The following VWCE variants were observed in gnomAD, a reference collection of about 807,000 sequenced individuals.
VWCE encodes von Willebrand factor C and EGF domain-containing protein.
In VWCE, 68 loss-of-function variants were observed where a neutral mutation model predicts 102.9. That is an observed-to-expected ratio of 0.66 (90% CI 0.54 to 0.81). The LOEUF (loss-of-function observed/expected upper bound fraction) is 0.81, where lower values mean the gene tolerates loss of function less well. Among genes scored for constraint, VWCE ranks in the 30% least tolerant of loss-of-function variants. VWCE has a pLI of 0.00. For synonymous variants in VWCE, 497 were observed against 515.4 expected (o/e 0.96, Z 0.48); for missense variants, 1,137 against 1,263.6 (o/e 0.90, Z 1.52).
In VWCE at chr11:61,280,890, C is replaced by T. The variant is rs200553245; in HGVS notation, c.1133G>A (p.Arg378Gln). ...PSSPRGPESP[R>Q]LAAGPSPCWH... ...GCAGGGAGAGGGCCCTGCTGCCAGT[C>T]GGGGGGACTCAGGGCCCCTGGGTGA... The change falls in exon 8 of 20, where the codon CGA becomes CAA. Residue 378 changes from arginine (R) to glutamine (Q), a missense_variant. This residue lies in a region of VWCE where 575 missense variants were observed against 625.9 expected (regional missense o/e 0.92). Coordinates refer to ENST00000335613, the MANE Select transcript of VWCE (RefSeq NM_152718.2). 1.1e-4 allele frequency: 173 copies of T among 1,531,310 alleles called. No individual in the cohort carries two copies. In the African/African-American group the frequency reaches 2.1e-3, roughly 19 times the overall value. The allele number at this position is 1,531,310 out of a possible 1,614,324, so 94.9% of individuals were successfully genotyped here.
In VWCE at chr11:61,278,457, G is replaced by A. The variant is rs752283275; in HGVS notation, c.1344C>T (p.Val448=). 23 of 1,613,966 alleles carry A rather than the reference G, an allele frequency of 1.4e-5. No individual in the cohort carries two copies. The highest frequency in any genetic ancestry group is 1.9e-5 in the Non-Finnish European group (22 of 1,180,022). The change falls in exon 10 of 20, where the codon GTC becomes GTT. Residue 448 remains valine (V), a synonymous_variant. Transcript: ENST00000335613. Reference sequence around the variant, plus strand: ...AAAACACATCCCCTTCAGCTCGGACGACACCACTGTGAAAACAGCCTTTGA... The same window carrying A: ...AAAACACATCCCCTTCAGCTCGGACAACACCACTGTGAAAACAGCCTTTGA... ...PSCTGCFHSG[V]VRAEGDVFSP...
chr11:61,262,362 C>T (rs1381286073), intron 19 of VWCE, among the ~76,000 whole-genome samples: 3 of 152,168 alleles, frequency 2.0e-5, no homozygotes, highest in Non-Finnish European at 4.4e-5. Flanking sequence ...GTCTTACACA[C>T]CAACTAGAAA....
intron 13 of VWCE, among the ~76,000 whole-genome samples, chr11:61,272,705 T>C (rs1367398403): frequency 6.6e-6 from 1 of 150,524 alleles, no homozygotes; most frequent in Non-Finnish European, 1.5e-5. Flanking sequence ...CACATACACA[T>C]ACATGCTCAC....
Position 61,294,882 on chromosome 11 carries a change from A to G in VWCE, c.110+46T>C. The stretch of plus-strand genomic sequence containing the variant: ...CCGCGCCTCTCGACTGCACGCCGGT[A>G]GCGCTCTCCCGGGCGGGGGAGCGGG... On this transcript the variant is annotated intron_variant, in intron 1 of 19. Transcript: ENST00000335613. This position sits in a 1 kb window ranked among gnomAD's most constrained non-coding sequence, Gnocchi z 6.3. The G allele has an allele frequency of 7.9e-7, 1 of 1,273,544 alleles. No homozygotes were observed. The highest frequency in any genetic ancestry group is 1.0e-6 in the Non-Finnish European group (1 of 987,014). 78.9% of individuals were successfully genotyped at this position (1,273,544 alleles called of 1,614,324 possible).
chr11:61,262,170 T>C (rs1204428614), intron 19 of VWCE, among the ~76,000 whole-genome samples: 1 of 152,132 alleles, frequency 6.6e-6, no homozygotes, highest in Admixed American at 6.6e-5. Context: ...GACAGGCTGG[T>C]CTCAAACTCC....
rs762251027 is a variant in VWCE, at chr11:61,294,983, C to A, written c.55G>T (p.Ala19Ser). ...AACVALLLPGAPARGYTGRKP... is the reference protein window; with the variant it reads ...AACVALLLPGSPARGYTGRKP... The stretch of plus-strand genomic sequence containing the variant: ...CTCCCGGTGTAGCCTCGGGCTGGTG[C>A]CCCCGGCAGCAGGAGCGCGACACAG... Residue 19 changes from alanine (A) to serine (S), a missense_variant, in exon 1 of 20, where the codon GCA becomes TCA. By Grantham distance (99) the Ala-to-Ser change is moderately conservative. Transcript: ENST00000335613. This position sits in a 1 kb window ranked among gnomAD's most constrained non-coding sequence, Gnocchi z 6.3. 6 of 1,471,010 alleles carry A rather than the reference C, an allele frequency of 4.1e-6. No homozygotes were observed. Among genetic ancestry groups the A allele is most frequent in the Non-Finnish European group, 5.4e-6 (6 of 1,112,490 alleles). The allele number at this position is 1,471,010 out of a possible 1,614,324, so 91.1% of individuals were successfully genotyped here.
intron 14 of VWCE, among the ~76,000 whole-genome samples, chr11:61,270,578 G>A (rs1038012213): frequency 2.0e-5 from 3 of 152,192 alleles, no homozygotes; most frequent in African/African-American, 7.2e-5. Flanking sequence ...GTGGATAGCT[G>A]TGTTTGCATT....
At chr11:61,271,390 C>A in intron 14 of VWCE, 1 of 314,110 alleles carries the variant, frequency 3.2e-6, no homozygotes, top group Non-Finnish European at 6.3e-6. Context: ...TGTGATCCAC[C>A]CACCTCGGCC....
Position 61,281,094 on chromosome 11 carries a change from G to A in VWCE, c.929C>T (p.Pro310Leu). The A allele has an allele frequency of 6.2e-7, 1 of 1,609,758 alleles. No individual in the cohort carries two copies. ...CAGGCGGGTGGTCCTGACTCCGGCTGGGGGCCCTGGAGCCCCAGAAGGAGG... is the reference window on the plus strand; with the variant it reads ...CAGGCGGGTGGTCCTGACTCCGGCTAGGGGCCCTGGAGCCCCAGAAGGAGG... ...HSPPSGAPGP[P>L]AGVRTTRLPS... Residue 310 changes from proline (P) to leucine (L), a missense_variant, in exon 8 of 20, where the codon CCA becomes CTA. By Grantham distance (98) the Pro-to-Leu change is moderately conservative. This residue lies in a region of VWCE where 575 missense variants were observed against 625.9 expected (regional missense o/e 0.92). Coordinates refer to ENST00000335613, the MANE Select transcript of VWCE (RefSeq NM_152718.2).
chr11:61,288,155 CAA>C (rs397978316), intron 4 of VWCE, among the ~76,000 whole-genome samples: 2 of 37,282 alleles, frequency 5.4e-5, no homozygotes, highest in Admixed American at 2.6e-4. Context: ...GACTCTGTCT[CAA>C]AAAAAAAAAA....
At position 61,258,409 on chromosome 11, in the gene VWCE, C is replaced by T. The variant is rs1854246814; in HGVS notation, c.*266G>A. On this transcript the variant is annotated 3_prime_UTR_variant, in exon 20 of 20. Transcript: ENST00000335613. Reference sequence around the variant, plus strand: ...CTTCCTCCAGGAGAACTTGGCAGTCCCAACCCTTCTCAAAAGATGAGCCAG... The same window carrying T: ...CTTCCTCCAGGAGAACTTGGCAGTCTCAACCCTTCTCAAAAGATGAGCCAG... 3.0e-6 allele frequency: 1 copy of T among 330,666 alleles called. No individual in the cohort carries two copies. The highest frequency in any genetic ancestry group is 5.4e-6 in the Non-Finnish European group (1 of 184,554). The allele number at this position is 330,666 out of a possible 1,614,324, so 20.5% of individuals were successfully genotyped here.
intron 19 of VWCE, among the ~76,000 whole-genome samples, chr11:61,264,232 A>C (rs889633266): frequency 1.3e-5 from 2 of 149,368 alleles, no homozygotes; most frequent in Non-Finnish European, 3.0e-5. Flanking sequence ...TCTCAAAAAA[A>C]AAAAAAAAAA....
intron 14 of VWCE, 186 bp from the exon 15 acceptor site, chr11:61,269,204 T>C: frequency 1.7e-6 from 1 of 593,812 alleles, no homozygotes; most frequent in South Asian, 1.9e-5. Context: ...CATGTGAGCC[T>C]TCCAGGAAGT....
intron 13 of VWCE, 138 bp downstream of exon 13, chr11:61,273,061 C>A: frequency 2.4e-6 from 2 of 832,880 alleles, no homozygotes; most frequent in South Asian, 1.6e-5. Context: ...AAAACTCACA[C>A]TCATACACAC....
chr11:61,278,320 C>A, intron 10 of VWCE, 74 bp downstream of exon 10: 1 of 1,521,156 alleles, frequency 6.6e-7, no homozygotes, highest in South Asian at 1.1e-5. Context: ...AACATCCGGT[C>A]TTTTCCCCTT....
intron 10 of VWCE, among the ~76,000 whole-genome samples, chr11:61,277,724 A>T (rs947398384): frequency 6.6e-6 from 1 of 152,136 alleles, no homozygotes; most frequent in Non-Finnish European, 1.5e-5. Context: ...CTGTCTTTTC[A>T]TCTGCAGAAT....
intron 10 of VWCE, 137 bp from the exon 11 acceptor site, chr11:61,276,817 T>TTTAAA: frequency 2.5e-6 from 1 of 394,324 alleles, no homozygotes; most frequent in Non-Finnish European, 4.0e-6. Context: ...CACCCCAGCC[T>TTTAAA]GGGCAACAAA....
intron 5 of VWCE, among the ~76,000 whole-genome samples, chr11:61,283,514 C>A (rs1855212872): frequency 6.6e-6 from 1 of 152,172 alleles, no homozygotes; most frequent in Non-Finnish European, 1.5e-5. Context: ...TGGGTTCAAG[C>A]AGTTCTCCTG....
chr11:61,277,192 A>T (rs553694340), intron 10 of VWCE, among the ~76,000 whole-genome samples: 1 of 151,666 alleles, frequency 6.6e-6, no homozygotes, highest in East Asian at 1.9e-4. Context: ...GAGGGAGGGA[A>T]CTTGACTGCT....
Sources: gnomAD v4.1 joint callset for allele counts (sites outside exome capture counted in the v4.1 genomes callset) on GRCh38, gnomAD v4.1.1 for gene constraint, gnomAD v4.1.1 regional missense constraint, Gnocchi (gnomAD v3.1) non-coding constraint, MANE v1.5 for transcripts, NCBI Gene and HGNC (gene_info 2026-07-23, HGNC 2026-07-21) for gene names.